RELN: variants seen among roughly 807,000 people sequenced by gnomAD.
RELN encodes the protein reelin.
A neutral mutation model predicts 427.6 loss-of-function variants in RELN; 108 were observed. The ratio of observed to expected loss-of-function variants is 0.25; its 90% CI spans 0.22 to 0.30. RELN has a LOEUF of 0.30. RELN is among the 10% of genes least tolerant of loss of function. The pLI, the probability that RELN is intolerant of heterozygous loss-of-function variation, is 1.00. For missense variants in RELN, 3,715 were observed against 4,302.8 expected (o/e 0.86, Z 3.82); for synonymous variants, 1,524 against 1,513.4 (o/e 1.01, Z -0.16).
At chr7:103,858,651 C>A (rs1318394519) in intron 2 of RELN, among the ~76,000 whole-genome samples, 1 of 152,172 alleles carries the variant, frequency 6.6e-6, no homozygotes, top group East Asian at 1.9e-4. Context: ...TCCTTTCTGA[C>A]CTGCACCAAC....
chr7:103,870,378 TG>T (rs1479063371), intron 2 of RELN, among the ~76,000 whole-genome samples: 2 of 152,034 alleles, frequency 1.3e-5, no homozygotes, highest in Non-Finnish European at 2.9e-5. Flanking sequence ...GATTACTTTT[TG>T]GCAGGCAGTT....
Position 103,636,456 on chromosome 7 carries a change from T to G in RELN, c.2082A>C (p.Gly694=), listed in dbSNP as rs996259654. 1 of 1,610,076 alleles carries G rather than the reference T, an allele frequency of 6.2e-7. No homozygotes were observed. The highest frequency in any genetic ancestry group is 1.7e-5 in the Admixed American group (1 of 59,952). The part of the protein sequence containing the change: ...CTRHGCKCDP[G]FSGPACEMAS... ...CCATCTCACAAGCTGGGCCAGAAAA[T>G]CCAGGGTCACACCTGAAAGAAATAT... Residue 694 remains glycine, a synonymous_variant, in exon 18 of 65, where the codon GGA becomes GGC. Coordinates refer to ENST00000428762, the MANE Select transcript of RELN (RefSeq NM_005045.4).
Position 103,606,359 on chromosome 7 carries a change from T to C in RELN, c.3009-1876A>G, listed in dbSNP as rs558000708. Among the ~76,000 whole-genome samples the C allele has an allele frequency of 7.0e-4, 106 of 152,284 alleles. 1 individual carries two copies. Among genetic ancestry groups the C allele is most frequent in the Admixed American group, 3.4e-3 (52 of 15,288 alleles). ...GCAGCCTGCTTATGGCTTCTGTAGG[T>C]GACGGAATGAAGAATGTACTAGTAG... On this transcript the variant is annotated intron_variant, in intron 22 of 64. Transcript: ENST00000428762.
intron 8 of RELN, 26 bp downstream of exon 8, chr7:103,723,114 C>T (rs774230050): frequency 1.0e-5 from 15 of 1,475,958 alleles, no homozygotes; most frequent in Middle Eastern, 3.4e-4. Flanking sequence ...CAAATTAAAT[C>T]GTTATAACTG....
chr7:103,852,449 C>G (rs866780001), intron 2 of RELN, among the ~76,000 whole-genome samples: 1 of 152,150 alleles, frequency 6.6e-6, no homozygotes, highest in Non-Finnish European at 1.5e-5. Flanking sequence ...CCATGCTTCT[C>G]TTTTCTCACA....
chr7:103,694,122 G>A (rs1471115299), intron 10 of RELN, among the ~76,000 whole-genome samples: 1 of 152,094 alleles, frequency 6.6e-6, no homozygotes, highest in Non-Finnish European at 1.5e-5. Flanking sequence ...ATGGAACAAA[G>A]CTGGAGCAAG....
intron 19 of RELN, 73 bp downstream of exon 19, chr7:103,635,352 A>G (rs768567159): frequency 2.8e-5 from 43 of 1,515,100 alleles, no homozygotes; most frequent in Non-Finnish European, 3.5e-5. Context: ...AGAATTTTAT[A>G]CCATTTGAAT....
In RELN at chr7:103,897,628, A is replaced by C. The variant is rs369488537; in HGVS notation, c.337+19447T>G. ...GACTTGACAAAAATAAGCTAAAGAA[A>C]TCTTATTTTAAAATTATGGTGGAAA... On this transcript the variant is annotated intron_variant, in intron 2 of 64. Coordinates refer to ENST00000428762, the MANE Select transcript of RELN (RefSeq NM_005045.4). Among the ~76,000 whole-genome samples the C allele has an allele frequency of 2.3e-3, 350 of 152,220 alleles. 2 individuals are homozygous for C. The highest frequency in any genetic ancestry group is 8.3e-3 in the African/African-American group (343 of 41,574).
At chr7:103,559,945 G>A (rs1370287347) in intron 36 of RELN, among the ~76,000 whole-genome samples, 1 of 152,140 alleles carries the variant, frequency 6.6e-6, no homozygotes, top group African/African-American at 2.4e-5. Context: ...GTTCCCATGG[G>A]TCAATACAAG....
At chr7:103,556,426 CGT>C (rs202002878) in intron 38 of RELN, among the ~76,000 whole-genome samples, 3 of 105,648 alleles carry the variant, frequency 2.8e-5, no homozygotes, top group East Asian at 5.1e-4. Flanking sequence ...ATTATATATA[CGT>C]GTATATATAT....
At chr7:103,688,057 T>G (rs1833799543) in intron 10 of RELN, among the ~76,000 whole-genome samples, 1 of 152,090 alleles carries the variant, frequency 6.6e-6, no homozygotes, top group Admixed American at 6.6e-5. Flanking sequence ...CAATATCTTA[T>G]ACCCACCTCT....
intron 22 of RELN, among the ~76,000 whole-genome samples, chr7:103,605,016 G>C (rs754157427): frequency 6.6e-6 from 1 of 152,208 alleles, no homozygotes; most frequent in Admixed American, 6.5e-5. Flanking sequence ...TTTTAGTAGA[G>C]ACAGGGTTTC....
intron 7 of RELN, among the ~76,000 whole-genome samples, chr7:103,724,657 T>C (rs1790160417): frequency 6.6e-6 from 1 of 152,194 alleles, no homozygotes; most frequent in African/African-American, 2.4e-5. Flanking sequence ...GTGTGCTAAC[T>C]GAGGGTGACC....
At chr7:103,863,966 A>G (rs989550308) in intron 2 of RELN, among the ~76,000 whole-genome samples, 1 of 152,128 alleles carries the variant, frequency 6.6e-6, no homozygotes, top group African/African-American at 2.4e-5. Flanking sequence ...ATACACTTTA[A>G]ACAATAAAGT....
chr7:103,745,341 T>C (rs1343194655), intron 6 of RELN, among the ~76,000 whole-genome samples: 2 of 152,056 alleles, frequency 1.3e-5, no homozygotes, highest in Non-Finnish European at 2.9e-5. Context: ...AAGCATTCTC[T>C]TTGAAAACGG....
At chr7:103,654,319 G>C (rs527799077) in intron 12 of RELN, 114 bp from the exon 13 acceptor site, 1 of 700,294 alleles carries the variant, frequency 1.4e-6, no homozygotes, top group African/African-American at 1.8e-5. Flanking sequence ...TGTCACTTAA[G>C]AATAACCCTA....
In RELN at chr7:103,722,560, C is replaced by T. The variant is rs561984113; in HGVS notation, c.805+580G>A. Among the ~76,000 whole-genome samples the T allele has an allele frequency of 2.0e-5, 3 of 152,224 alleles. 1 individual carries two copies. The highest frequency in any genetic ancestry group is 7.2e-5 in the African/African-American group (3 of 41,546). ...AAATGGAAGGTAATAGAATAGACAG[C>T]AGAACTGCAAACACCTGATCAGAAG... On this transcript the variant is annotated intron_variant, in intron 8 of 64. Transcript: ENST00000428762.
At chr7:103,918,249 A>G (rs1795532397) in intron 1 of RELN, among the ~76,000 whole-genome samples, 1 of 152,162 alleles carries the variant, frequency 6.6e-6, no homozygotes, top group Non-Finnish European at 1.5e-5. Flanking sequence ...CCACCTTCTC[A>G]TCCTTTAACA....
chr7:103,680,537 G>A (rs987088669), intron 11 of RELN, among the ~76,000 whole-genome samples: 5 of 151,584 alleles, frequency 3.3e-5, no homozygotes, highest in African/African-American at 9.7e-5. Flanking sequence ...CAGTCAGAAC[G>A]AACTGGTGTG....
Sources: allele counts gnomAD v4.1 joint callset (sites outside exome capture counted in the v4.1 genomes callset), GRCh38; gene constraint gnomAD v4.1.1; transcripts MANE v1.5; gene names NCBI Gene and HGNC (gene_info 2026-07-23, HGNC 2026-07-21).